SPRY4: variants seen among roughly 807,000 people sequenced by gnomAD.
SPRY4 encodes the protein protein sprouty homolog 4.
Under a neutral mutation model 17.0 loss-of-function variants are expected in SPRY4, and 7 were observed. The observed-to-expected ratio is 0.41, with a 90% CI of 0.23 to 0.77. The LOEUF is 0.77. SPRY4 is among the 30% of genes least tolerant of loss of function. SPRY4 has a pLI of 0.32. For missense variants in SPRY4, 435 were observed against 419.9 expected, an observed-to-expected ratio of 1.04 and a Z score of -0.31; for synonymous variants, 183 against 174.1, an observed-to-expected ratio of 1.05 and a Z score of -0.40.
In SPRY4 at chr5:142,312,977, C is replaced by G. The variant is rs1758979058; in HGVS notation, c.*1232G>C. On this transcript the variant is annotated 3_prime_UTR_variant, in exon 2 of 2. Transcript: ENST00000434127. Reference sequence around the variant, plus strand: ...ACACTAAAATAGACTCTTTTTTCATCATCTCTCTATTTACATTAAAGATAC... The same window carrying G: ...ACACTAAAATAGACTCTTTTTTCATGATCTCTCTATTTACATTAAAGATAC... 6.6e-6 allele frequency: 1 copy of G among 152,520 alleles called. No individual in the cohort carries two copies. The highest frequency in any genetic ancestry group is 2.1e-4 in the South Asian group (1 of 4,830). 9.4% of individuals were successfully genotyped at this position (152,520 alleles called of 1,614,324 possible). A position where few individuals can be genotyped will look rare whatever the true frequency, so the allele number is the denominator to read the frequency against.
At chr5:142,323,273 G>GCTA (rs34762482) in intron 1 of SPRY4, among the ~76,000 whole-genome samples, 42,108 of 151,928 alleles carry the variant, frequency 0.28, 6,883 homozygotes, top group East Asian at 0.65. Flanking sequence ...GCCTCGGTCA[G>GCTA]CTACAGACAC....
intron 1 of SPRY4, chr5:142,315,402 G>A: frequency 2.2e-6 from 1 of 445,406 alleles, no homozygotes; most frequent in Non-Finnish European, 4.0e-6. Flanking sequence ...TATGCATTAA[G>A]TCATTGACTT....
chr5:142,322,841 TG>T (rs1759393120), intron 1 of SPRY4, among the ~76,000 whole-genome samples: 1 of 152,198 alleles, frequency 6.6e-6, no homozygotes, highest in Admixed American at 6.5e-5. Context: ...GGTAAGTGTG[TG>T]TGCTGTTCAC....
rs1367100203 is a variant in SPRY4, at chr5:142,314,403, A to G, written c.706T>C (p.Ser236Pro). ...CSRSNCCARWSFMGALSVVLP... is the reference protein window; with the variant it reads ...CSRSNCCARWPFMGALSVVLP... The stretch of plus-strand genomic sequence containing the variant: ...ACCACGGAGAGAGCACCCATGAAGG[A>G]CCAGCGGGCGCAGCAGTTGGAGCGG... The change falls in exon 2 of 2, where the codon TCC becomes CCC. Residue 236 changes from serine (S) to proline (P), a missense_variant. Physicochemically the swap from Ser to Pro is moderately conservative, Grantham distance 74. Coordinates refer to ENST00000434127, the MANE Select transcript of SPRY4 (RefSeq NM_001127496.3). This position sits in a 1 kb window ranked among gnomAD's most constrained non-coding sequence, Gnocchi z 4.8. The G allele has an allele frequency of 6.2e-7, 1 of 1,613,888 alleles. No individual in the cohort carries two copies. Among genetic ancestry groups the G allele is most frequent in the Non-Finnish European group, 8.5e-7 (1 of 1,179,950 alleles).
At chr5:142,316,173 A>G (rs906613049) in intron 1 of SPRY4, among the ~76,000 whole-genome samples, 2 of 152,172 alleles carry the variant, frequency 1.3e-5, no homozygotes, top group South Asian at 2.1e-4. Flanking sequence ...TTACTAGAGT[A>G]GCTAAGCCAA....
Position 142,314,573 on chromosome 5 carries a change from C to G in SPRY4, c.536G>C (p.Cys179Ser). 1 of 1,614,264 alleles carries G rather than the reference C, an allele frequency of 6.2e-7. No homozygotes were observed. The highest frequency in any genetic ancestry group is 8.5e-7 in the Non-Finnish European group (1 of 1,180,044). ...CAGGCACTCCTGGTTGCAGACCCAGCAGGAAGGCAACGTCCGGGGGGATGC... is the reference window on the plus strand; with the variant it reads ...CAGGCACTCCTGGTTGCAGACCCAGGAGGAAGGCAACGTCCGGGGGGATGC... Reference protein sequence around the residue: ...ECASPRTLPSCWVCNQECLCS... With the variant: ...ECASPRTLPSSWVCNQECLCS... Residue 179 changes from cysteine to serine, a missense_variant, in exon 2 of 2, where the codon TGC (cysteine) becomes TCC (serine). Coordinates refer to ENST00000434127, the MANE Select transcript of SPRY4 (RefSeq NM_001127496.3). The surrounding 1 kb of genome is among the most constrained non-coding windows in gnomAD (Gnocchi z 4.8).
chr5:142,313,443 G>T lies in SPRY4; in HGVS notation c.*766C>A, dbSNP rs1219243269. On this transcript the variant is annotated 3_prime_UTR_variant, in exon 2 of 2. Coordinates refer to ENST00000434127, the MANE Select transcript of SPRY4 (RefSeq NM_001127496.3). ...GGACACGTAGTGGGCAGGCGAGTCT[G>T]TGACTCAGTAAGAACCGAAGGACGG... 6.6e-6 allele frequency: 1 copy of T among 152,566 alleles called. No individual in the cohort carries two copies. The highest frequency in any genetic ancestry group is 1.5e-5 in the Non-Finnish European group (1 of 68,058). 9.5% of individuals were successfully genotyped at this position (152,566 alleles called of 1,614,324 possible).
chr5:142,316,160 T>G (rs948254678), intron 1 of SPRY4, among the ~76,000 whole-genome samples: 2 of 152,144 alleles, frequency 1.3e-5, no homozygotes, highest in Non-Finnish European at 2.9e-5. Context: ...GCCTAAATGC[T>G]ATTTACTAGA....
In SPRY4 at chr5:142,314,453, C is replaced by A. The variant is rs1238773144; in HGVS notation, c.656G>T (p.Cys219Phe). Residue 219 changes from cysteine to phenylalanine, a missense_variant, in exon 2 of 2, where the codon TGC becomes TTC. Cys to Phe is a radical substitution (Grantham distance 205). Coordinates refer to ENST00000434127, the MANE Select transcript of SPRY4 (RefSeq NM_001127496.3). The surrounding 1 kb of genome is among the most constrained non-coding windows in gnomAD (Gnocchi z 4.8). ...HCTNEDDEGS[C>F]ADHPCSCSRS... ...GGAGCAGGAGCAGGGGTGGTCAGCG[C>A]AGGAGCCCTCATCGTCCTCATTCGT... is the stretch of plus-strand genomic sequence containing the variant. 5.0e-6 allele frequency: 8 copies of A among 1,614,042 alleles called. No individual in the cohort carries two copies. The highest frequency in any genetic ancestry group is 6.8e-6 in the Non-Finnish European group (8 of 1,180,024).
At chr5:142,317,637 A>G (rs1196031281) in intron 1 of SPRY4, 1 of 957,792 alleles carries the variant, frequency 1.0e-6, no homozygotes, top group Non-Finnish European at 1.2e-6. Context: ...TTTTTTTTTC[A>G]TTTGTGAGGT....
intron 1 of SPRY4, among the ~76,000 whole-genome samples, chr5:142,322,519 G>A (rs1021331821): frequency 6.7e-6 from 1 of 149,878 alleles, no homozygotes; most frequent in Non-Finnish European, 1.5e-5. Context: ...AACGACATCC[G>A]TAAGCTCCAA....
At chr5:142,316,928 G>T in intron 1 of SPRY4, 31 of 919,898 alleles carry the variant, frequency 3.4e-5, no homozygotes, top group Non-Finnish European at 4.0e-5. Flanking sequence ...AAGGATGCTG[G>T]TATTTCTTTA....
chr5:142,321,005 G>C (rs1006139023), intron 1 of SPRY4, among the ~76,000 whole-genome samples: 6 of 152,118 alleles, frequency 3.9e-5, no homozygotes, highest in African/African-American at 1.4e-4. Flanking sequence ...CACTGACTGG[G>C]GCCTGTCCTT....
chr5:142,320,167 C>T (rs751910560), intron 1 of SPRY4, among the ~76,000 whole-genome samples: 2 of 152,148 alleles, frequency 1.3e-5, no homozygotes, highest in Non-Finnish European at 2.9e-5. Context: ...TGACTTATTG[C>T]TTTAAAAGGA....
intron 1 of SPRY4, chr5:142,315,830 C>G (rs1759131184): frequency 6.6e-6 from 1 of 152,270 alleles, no homozygotes; most frequent in South Asian, 2.1e-4. Context: ...GTTTAGATCT[C>G]CTGAGCACTT....
rs1208076585 is a variant in SPRY4 at position 142,310,957 on chromosome 5, G to A, written c.*3252C>T. ...CTGGGACAGCACAGAAGGAGAACAG[G>A]ATGCTTCAAGGTGACAGTCATCCGG... On this transcript the variant is annotated 3_prime_UTR_variant, in exon 2 of 2. Transcript: ENST00000434127. 1.3e-5 allele frequency: 2 copies of A among 152,240 alleles called. No individual in the cohort carries two copies. The highest frequency in any genetic ancestry group is 2.9e-5 in the Non-Finnish European group (2 of 68,126). The allele number at this position is 152,240 out of a possible 1,614,324, so 9.4% of individuals were successfully genotyped here.
Position 142,314,641 on chromosome 5 carries a change from G to T in SPRY4, c.468C>A (p.Phe156Leu), listed in dbSNP as rs79228050. Reference protein sequence around the residue: ...PAVPPELDKHFLLCEACGKCK... With the variant: ...PAVPPELDKHLLLCEACGKCK... ...ACTTCCCACAGGCCTCGCACAGCAA[G>T]AAGTGCTTGTCCAGCTCGGGTGGGA... The change falls in exon 2 of 2, where the codon TTC becomes TTA. Residue 156 changes from phenylalanine to leucine, a missense_variant. Transcript: ENST00000434127. The surrounding 1 kb of genome is among the most constrained non-coding windows in gnomAD (Gnocchi z 4.8). The T allele has an allele frequency of 6.2e-7, 1 of 1,614,122 alleles. No individual in the cohort carries two copies. The highest frequency in any genetic ancestry group is 8.5e-7 in the Non-Finnish European group (1 of 1,180,048).
At chr5:142,317,304 C>T (rs1291078309) in intron 1 of SPRY4, 21 of 985,310 alleles carry the variant, frequency 2.1e-5, no homozygotes, top group Non-Finnish European at 2.2e-5. Context: ...GGGCAAGAGG[C>T]CAGGGTTAGG....
intron 1 of SPRY4, chr5:142,315,423 C>G (rs1357901527): frequency 2.5e-6 from 1 of 407,092 alleles, no homozygotes; most frequent in Non-Finnish European, 4.4e-6. Flanking sequence ...CATGATAAGC[C>G]TAAAACGTAA....
Sources: gnomAD v4.1 joint callset for allele counts (sites outside exome capture counted in the v4.1 genomes callset) on GRCh38, gnomAD v4.1.1 for gene constraint, Gnocchi (gnomAD v3.1) non-coding constraint, MANE v1.5 for transcripts, NCBI Gene and HGNC (gene_info 2026-07-23, HGNC 2026-07-21) for gene names.